The following ZNF804A variants were observed in gnomAD, a reference collection of about 807,000 sequenced individuals.
ZNF804A encodes zinc finger protein 804A.
A neutral mutation model predicts 16.5 loss-of-function variants in ZNF804A; 2 were observed. That is an observed-to-expected ratio of 0.12 (90% CI 0.05 to 0.38). The LOEUF (loss-of-function observed/expected upper bound fraction) is 0.38. Ranked by LOEUF, ZNF804A falls within the 10% of genes least tolerant of loss-of-function variation. ZNF804A has a pLI of 0.99. For synonymous variants in ZNF804A, 534 were observed against 489.6 expected, an observed-to-expected ratio of 1.09 and a Z score of -1.20; for missense variants, 1,473 against 1,390.7, an observed-to-expected ratio of 1.06 and a Z score of -0.94.
rs150589577 is a variant in ZNF804A, at chr2:184,830,971, G to A, written c.112-35398G>A. ...AAGGAGTAAGCTAGAGGGTAAAGAA[G>A]CAAAAATATAGTTATTGTGCTAGAA... On this transcript the variant is annotated intron_variant, in intron 1 of 3. Coordinates refer to ENST00000302277, the MANE Select transcript of ZNF804A (RefSeq NM_194250.2). 1.7e-4 allele frequency among the ~76,000 whole-genome samples: 26 copies of A among 152,148 alleles called. No homozygotes were observed. The East Asian group carries it at 4.8e-3, about 28-fold the overall frequency.
intron 1 of ZNF804A, among the ~76,000 whole-genome samples, chr2:184,666,017 A>G (rs746264870): frequency 2.0e-5 from 3 of 152,182 alleles, no homozygotes; most frequent in Non-Finnish European, 2.9e-5. Flanking sequence ...ATTTGGTTTC[A>G]TCTGCGAAAT....
chr2:184,609,374 T>C (rs1473522266), intron 1 of ZNF804A, among the ~76,000 whole-genome samples: 2 of 152,162 alleles, frequency 1.3e-5, no homozygotes, highest in Admixed American at 6.5e-5. Context: ...CTGACTCCTG[T>C]TGAAGTGTTT....
chr2:184,807,687 C>A (rs1694830026), intron 1 of ZNF804A, among the ~76,000 whole-genome samples: 1 of 151,422 alleles, frequency 6.6e-6, no homozygotes, highest in Admixed American at 6.6e-5. Context: ...CCCATAGAGT[C>A]TTTTTTTTCC....
chr2:184,907,627 A>G (rs1367561379), intron 2 of ZNF804A, among the ~76,000 whole-genome samples: 1 of 152,144 alleles, frequency 6.6e-6, no homozygotes, highest in Non-Finnish European at 1.5e-5. Context: ...AGAAACAAGA[A>G]CTGTAACAAG....
chr2:184,819,411 G>A (rs1417200314), intron 1 of ZNF804A, among the ~76,000 whole-genome samples: 1 of 151,836 alleles, frequency 6.6e-6, no homozygotes, highest in African/African-American at 2.4e-5. Flanking sequence ...CTGGGACACA[G>A]CTAAAGTAGT....
At chr2:184,752,284 G>A (rs1283173298) in intron 1 of ZNF804A, among the ~76,000 whole-genome samples, 1 of 151,540 alleles carries the variant, frequency 6.6e-6, no homozygotes, top group African/African-American at 2.4e-5. Flanking sequence ...ATACACCATG[G>A]AATACTACAC....
chr2:184,793,296 G>A (rs1335153440), intron 1 of ZNF804A, among the ~76,000 whole-genome samples: 1 of 152,124 alleles, frequency 6.6e-6, no homozygotes, highest in East Asian at 1.9e-4. Flanking sequence ...ACCCGGAAAT[G>A]AGATTGCTGA....
chr2:184,605,380 C>T (rs1395798833), intron 1 of ZNF804A, among the ~76,000 whole-genome samples: 1 of 152,014 alleles, frequency 6.6e-6, no homozygotes, highest in Non-Finnish European at 1.5e-5. Flanking sequence ...ACCATTTGAT[C>T]TGTTTTATCT....
intron 1 of ZNF804A, among the ~76,000 whole-genome samples, chr2:184,609,656 C>T (rs2105670809): frequency 6.6e-6 from 1 of 152,344 alleles, no homozygotes; most frequent in South Asian, 2.1e-4. Flanking sequence ...AGCATTCTCA[C>T]ATGATGGACG....
chr2:184,683,580 C>A (rs1020836069), intron 1 of ZNF804A, among the ~76,000 whole-genome samples: 1 of 151,898 alleles, frequency 6.6e-6, no homozygotes, highest in African/African-American at 2.4e-5. Flanking sequence ...TCATTTTTTT[C>A]TTCTTGAGCT....
chr2:184,929,815 C>T (rs1347632990), intron 2 of ZNF804A, among the ~76,000 whole-genome samples: 1 of 152,174 alleles, frequency 6.6e-6, no homozygotes, highest in East Asian at 1.9e-4. Context: ...TCATCCCCAA[C>T]ATCCAACCCT....
At chr2:184,884,019 C>A (rs1181168798) in intron 2 of ZNF804A, among the ~76,000 whole-genome samples, 1 of 152,080 alleles carries the variant, frequency 6.6e-6, no homozygotes, top group Non-Finnish European at 1.5e-5. Flanking sequence ...GTCAAACTAT[C>A]CTTGTATGCA....
intron 1 of ZNF804A, among the ~76,000 whole-genome samples, chr2:184,710,541 C>T (rs1693108831): frequency 6.6e-6 from 1 of 151,676 alleles, no homozygotes. Context: ...TATGTAGCCT[C>T]TCAACAAAGT....
At chr2:184,751,962 T>A (rs1446877198) in intron 1 of ZNF804A, among the ~76,000 whole-genome samples, 2 of 151,790 alleles carry the variant, frequency 1.3e-5, no homozygotes, top group East Asian at 1.9e-4. Flanking sequence ...ATAGCTTTTT[T>A]AAAAAAATCA....
intron 2 of ZNF804A, among the ~76,000 whole-genome samples, chr2:184,883,976 G>C (rs1231406862): frequency 6.6e-6 from 1 of 152,030 alleles, no homozygotes. Flanking sequence ...GCCAGAGAAA[G>C]AAACAAAAGG....
intron 1 of ZNF804A, among the ~76,000 whole-genome samples, chr2:184,840,115 G>T (rs530895657): frequency 6.6e-6 from 1 of 152,152 alleles, no homozygotes; most frequent in Non-Finnish European, 1.5e-5. Context: ...CATGGCCATC[G>T]TGGTGGTTCA....
intron 2 of ZNF804A, among the ~76,000 whole-genome samples, chr2:184,899,143 A>C (rs577199540): frequency 9.2e-5 from 14 of 151,966 alleles, no homozygotes; most frequent in Non-Finnish European, 2.1e-4. Context: ...ATCATCTTAC[A>C]TGGGCTTCTG....
intron 1 of ZNF804A, among the ~76,000 whole-genome samples, chr2:184,805,777 A>G (rs1289438978): frequency 6.6e-6 from 1 of 152,042 alleles, no homozygotes; most frequent in Non-Finnish European, 1.5e-5. Context: ...GACATTTATT[A>G]AAATGTGAGG....
intron 2 of ZNF804A, among the ~76,000 whole-genome samples, chr2:184,871,996 T>C (rs1033351571): frequency 6.6e-6 from 1 of 152,082 alleles, no homozygotes; most frequent in Non-Finnish European, 1.5e-5. Flanking sequence ...TAAGAACTAA[T>C]GAAGACCTAC....
Sources: allele counts gnomAD v4.1 joint callset (sites outside exome capture counted in the v4.1 genomes callset), GRCh38; gene constraint gnomAD v4.1.1; transcripts MANE v1.5; gene names NCBI Gene and HGNC (gene_info 2026-07-23, HGNC 2026-07-21).